SLC39A9: variants seen among roughly 807,000 people sequenced by gnomAD.
The protein encoded by SLC39A9 is solute carrier family 39 member 9, also known as zinc transporter ZIP9.
A neutral mutation model predicts 28.4 loss-of-function variants in SLC39A9; 14 were observed. The observed-to-expected ratio is 0.49, with a 90% confidence interval of 0.33 to 0.77. The LOEUF (loss-of-function observed/expected upper bound fraction) is 0.77. SLC39A9 is among the 30% of genes least tolerant of loss of function. The pLI, the probability that SLC39A9 is intolerant of heterozygous loss-of-function variation, is 0.02. For synonymous variants in SLC39A9, 119 were observed against 149.6 expected, an observed-to-expected ratio of 0.80 and a Z score of 1.49; for missense variants, 283 against 381.1, an observed-to-expected ratio of 0.74 and a Z score of 2.14.
intron 1 of SLC39A9, among the ~76,000 whole-genome samples, chr14:69,404,368 A>T (rs1299627889): frequency 2.0e-5 from 3 of 152,220 alleles, no homozygotes. Flanking sequence ...CAATGTTACT[A>T]CTTGAACAAG....
intron 1 of SLC39A9, among the ~76,000 whole-genome samples, chr14:69,419,263 G>C (rs1010289855): frequency 5.3e-5 from 8 of 152,342 alleles, no homozygotes; most frequent in African/African-American, 1.9e-4. Flanking sequence ...TGTTTACCCA[G>C]TAGTCATTCA....
chr14:69,436,953 C>T (rs116686467), intron 2 of SLC39A9, among the ~76,000 whole-genome samples: 1,775 of 152,200 alleles, frequency 0.012, 34 homozygotes, highest in African/African-American at 0.039. Flanking sequence ...TTGCTAGCTC[C>T]GCCTCCCGGG....
rs763937757 is a variant in SLC39A9, at chr14:69,458,623, C to T, written c.*30C>T. ...TCAAGGTCCAGCCTTGGTCCAGGGC[C>T]GTTTGCCATCCAGTGAGAACAGCCG... On this transcript the variant is annotated 3_prime_UTR_variant, in exon 7 of 7. Transcript: ENST00000336643. 30 of 1,558,794 alleles carry T rather than the reference C, an allele frequency of 1.9e-5. No homozygotes were observed. In the East Asian group the frequency reaches 5.8e-4, roughly 30 times the overall value.
At chr14:69,408,867 T>G (rs1314419165) in intron 1 of SLC39A9, among the ~76,000 whole-genome samples, 3 of 152,194 alleles carry the variant, frequency 2.0e-5, no homozygotes, top group Non-Finnish European at 4.4e-5. Flanking sequence ...AATCACTTAG[T>G]AGAGGGGAAA....
intron 1 of SLC39A9, among the ~76,000 whole-genome samples, chr14:69,414,076 G>T (rs1270128435): frequency 4.1e-5 from 6 of 147,008 alleles, no homozygotes; most frequent in Non-Finnish European, 9.0e-5. Context: ...TTTGAGAGAG[G>T]GTATCGCTCT....
chr14:69,425,899 A>G (rs901140384), intron 2 of SLC39A9, among the ~76,000 whole-genome samples: 14 of 152,078 alleles, frequency 9.2e-5, no homozygotes, highest in African/African-American at 2.9e-4. Flanking sequence ...TCCGGGACTC[A>G]AGCGATCCTC....
intron 5 of SLC39A9, among the ~76,000 whole-genome samples, chr14:69,455,511 G>T (rs1378394103): frequency 6.6e-6 from 1 of 151,974 alleles, no homozygotes; most frequent in East Asian, 1.9e-4. Context: ...GTAGAGACGG[G>T]GTTTCACCAT....
intron 1 of SLC39A9, among the ~76,000 whole-genome samples, chr14:69,407,495 G>A (rs149349100): frequency 1.4e-4 from 21 of 151,594 alleles, no homozygotes; most frequent in African/African-American, 2.7e-4. Context: ...GCACCACCAC[G>A]CCCCACTAAT....
intron 3 of SLC39A9, among the ~76,000 whole-genome samples, chr14:69,450,181 T>TC (rs1885537786): frequency 6.6e-6 from 1 of 150,996 alleles, no homozygotes; most frequent in African/African-American, 2.4e-5. Flanking sequence ...CATGCAAGAT[T>TC]CCATCTCAAA....
In SLC39A9 at chr14:69,422,825, C is replaced by T. The variant is rs189963349; in HGVS notation, c.97-1269C>T. On this transcript the variant is annotated intron_variant, in intron 1 of 6. Transcript: ENST00000336643. The stretch of plus-strand genomic sequence containing the variant: ...TCTCGAACTCCTGACCTCAGGTGAT[C>T]CACCCACCTAGTTGTAGTTTTTAAG... 7.2e-3 allele frequency among the ~76,000 whole-genome samples: 1,096 copies of T among 152,272 alleles called. 13 individuals are homozygous for T. The highest frequency in any genetic ancestry group is 0.012 in the Non-Finnish European group (805 of 68,020).
At position 69,461,859 on chromosome 14, in the gene SLC39A9, C is replaced by T; in HGVS notation, c.*3266C>T. On this transcript the variant is annotated 3_prime_UTR_variant, in exon 7 of 7. Coordinates refer to ENST00000336643, the MANE Select transcript of SLC39A9 (RefSeq NM_018375.5). The stretch of plus-strand genomic sequence containing the variant: ...CCCCTTGGGAGACTGAGAATCATGA[C>T]CAGATTCATCCAGAACTGCTGCAGT... 2 of 925,744 alleles carry T rather than the reference C, an allele frequency of 2.2e-6. No homozygotes were observed. Among genetic ancestry groups the T allele is most frequent in the Non-Finnish European group, 3.2e-6 (2 of 631,098 alleles). The allele number at this position is 925,744 out of a possible 1,614,324, so 57.3% of individuals were successfully genotyped here.
At chr14:69,400,086 G>T (rs895931838) in intron 1 of SLC39A9, among the ~76,000 whole-genome samples, 5 of 152,114 alleles carry the variant, frequency 3.3e-5, no homozygotes, top group African/African-American at 1.2e-4. Flanking sequence ...AAGAAATGGA[G>T]AATGTTATTT....
chr14:69,434,324 TCCAC>T (rs1405600350), intron 2 of SLC39A9, among the ~76,000 whole-genome samples: 1 of 151,500 alleles, frequency 6.6e-6, no homozygotes, highest in African/African-American at 2.4e-5. Context: ...CCTCAGGTGA[TCCAC>T]CTGCCTCGGC....
At chr14:69,454,613 T>A in intron 4 of SLC39A9, 199 bp from the exon 5 acceptor site, 1 of 436,412 alleles carries the variant, frequency 2.3e-6, no homozygotes, top group Non-Finnish European at 4.1e-6. Flanking sequence ...ACATAAGTTA[T>A]CTCATTTAAT....
intron 2 of SLC39A9, among the ~76,000 whole-genome samples, chr14:69,434,642 C>G (rs984531215): frequency 9.9e-5 from 15 of 152,046 alleles, no homozygotes; most frequent in Non-Finnish European, 4.4e-5. Context: ...CCGCTGCACT[C>G]TAGGCTGGGT....
Position 69,398,998 on chromosome 14 carries a change from C to T in SLC39A9, c.-372C>T. ...GAACAGGTTCGCTTGAGTCACTTAC[C>T]CGCCGCCGCCTAAGACATTGTGCCA... is the stretch of plus-strand genomic sequence containing the variant. On this transcript the variant is annotated 5_prime_UTR_variant, in exon 1 of 7. Coordinates refer to ENST00000336643, the MANE Select transcript of SLC39A9 (RefSeq NM_018375.5). 1 of 199,948 alleles carries T rather than the reference C, an allele frequency of 5.0e-6. No homozygotes were observed. Among genetic ancestry groups the T allele is most frequent in the Non-Finnish European group, 1.0e-5 (1 of 98,116 alleles). 12.4% of individuals were successfully genotyped at this position (199,948 alleles called of 1,614,324 possible).
rs1885077444 is a variant in SLC39A9 at position 69,442,136 on chromosome 14, T to A, written c.273T>A (p.Val91=). 1 of 1,614,080 alleles carries A rather than the reference T, an allele frequency of 6.2e-7. No homozygotes were observed. Residue 91 remains valine, a synonymous_variant, in exon 3 of 7, where the codon GTT becomes GTA. Coordinates refer to ENST00000336643, the MANE Select transcript of SLC39A9 (RefSeq NM_018375.5). ...IASDKAAEKS[V]VHEHEHSHDH... ...CAGACAAAGCAGCAGAAAAATCAGT[T>A]GTCCATGAACATGAGCACAGCCACG... is the stretch of plus-strand genomic sequence containing the variant.
At chr14:69,449,047 T>C (rs1302026422) in intron 3 of SLC39A9, among the ~76,000 whole-genome samples, 1 of 152,214 alleles carries the variant, frequency 6.6e-6, no homozygotes, top group Non-Finnish European at 1.5e-5. Flanking sequence ...CAAATTAGAG[T>C]TTAAAAAAAT....
intron 3 of SLC39A9, among the ~76,000 whole-genome samples, chr14:69,450,163 C>T (rs908667371): frequency 1.4e-4 from 21 of 151,730 alleles, no homozygotes; most frequent in South Asian, 8.3e-4. Context: ...CGCTCCAGCC[C>T]GGGTGACCAT....
Sources: gnomAD v4.1 joint callset for allele counts (sites outside exome capture counted in the v4.1 genomes callset) on GRCh38, gnomAD v4.1.1 for gene constraint, MANE v1.5 for transcripts, NCBI Gene and HGNC (gene_info 2026-07-23, HGNC 2026-07-21) for gene names.